Variants in PARVG observed in about 807,000 individuals in gnomAD.
PARVG encodes gamma-parvin.
PARVG carries 36 observed loss-of-function variants against 44.4 expected under a neutral mutation model. The ratio of observed to expected loss-of-function variants is 0.81; its 90% CI spans 0.62 to 1.07. The LOEUF (loss-of-function observed/expected upper bound fraction) is 1.07. Among genes scored for constraint, PARVG ranks in the 50% least tolerant of loss-of-function variants. The pLI, the probability that PARVG is intolerant of heterozygous loss-of-function variation, is 0.00. For missense variants in PARVG, 407 were observed against 407.4 expected (o/e 1.00, Z 0.01); for synonymous variants, 170 against 174.1 (o/e 0.98, Z 0.19).
At position 44,198,676 on chromosome 22, in the gene PARVG, T is replaced by G; in HGVS notation, c.767T>G (p.Leu256Arg). The G allele has an allele frequency of 6.2e-7, 1 of 1,613,990 alleles. No homozygotes were observed. Among genetic ancestry groups the G allele is most frequent in the Non-Finnish European group, 8.5e-7 (1 of 1,179,870 alleles). The change falls in exon 12 of 14, where the codon CTG becomes CGG. Residue 256 changes from leucine to arginine, a missense_variant. By Grantham distance (102) the Leu-to-Arg change is moderately radical. Transcript: ENST00000444313. ...ATTGGACAACTTGAAGGCTTCTTCC[T>G]GCACTTAAAGGAATTCTACCTCACT... ...LLIGQLEGFFLHLKEFYLTPN... is the reference protein window; with the variant it reads ...LLIGQLEGFFRHLKEFYLTPN...
chr22:44,202,949 C>T (rs1200888900), intron 12 of PARVG, among the ~76,000 whole-genome samples: 1 of 152,166 alleles, frequency 6.6e-6, no homozygotes, highest in Admixed American at 6.5e-5. Context: ...TGCACGTATC[C>T]TCCCGGGTTG....
rs181210470 is a variant in PARVG at position 44,191,024 on chromosome 22, C to T, written c.504+358C>T. Among the ~76,000 whole-genome samples, 379 of 152,330 alleles carry T rather than the reference C, an allele frequency of 2.5e-3. 4 individuals carry two copies. Among genetic ancestry groups the T allele is most frequent in the Admixed American group, 0.02 (306 of 15,298 alleles). On this transcript the variant is annotated intron_variant, in intron 7 of 13. Transcript: ENST00000444313. The stretch of plus-strand genomic sequence containing the variant: ...CGTTCATTGCCACGGGGAGCCTTCA[C>T]GCCCTGAGCAAAACCAATGCTCTCA...
intron 12 of PARVG, among the ~76,000 whole-genome samples, chr22:44,201,638 A>G (rs1601748090): frequency 6.6e-6 from 1 of 152,218 alleles, no homozygotes; most frequent in Non-Finnish European, 1.5e-5. Flanking sequence ...TCAGCCAGCC[A>G]TTGCCACAAA....
intron 6 of PARVG, 35 bp downstream of exon 6, chr22:44,189,289 T>C (rs780303313): frequency 3.1e-6 from 5 of 1,608,124 alleles, no homozygotes; most frequent in African/African-American, 2.7e-5. Flanking sequence ...CCCTGGGGAG[T>C]GTGGGGCCGC....
chr22:44,190,026 A>G (rs1306576072), intron 6 of PARVG, among the ~76,000 whole-genome samples: 1 of 151,632 alleles, frequency 6.6e-6, no homozygotes, highest in African/African-American at 2.4e-5. Flanking sequence ...ATATCCCCCC[A>G]CCCCACCCAG....
At chr22:44,184,969 C>T (rs1251586846) in intron 3 of PARVG, 1 of 152,254 alleles carries the variant, frequency 6.6e-6, no homozygotes, top group Non-Finnish European at 1.5e-5. Flanking sequence ...AAGAAGTCTG[C>T]TCCAGGAAGG....
At position 44,190,652 on chromosome 22, in the gene PARVG, G is replaced by C; in HGVS notation, c.490G>C (p.Val164Leu). The change falls in exon 7 of 14, where the codon GTC (valine) becomes CTC (leucine). Residue 164 changes from valine (V) to leucine (L), a missense_variant. Coordinates refer to ENST00000444313, the MANE Select transcript of PARVG (RefSeq NM_022141.7). The stretch of plus-strand genomic sequence containing the variant: ...CCTCCCAACCAACGTCCAGGTGGAG[G>C]TCATCACTATCGAGGTAGCAGCCTG... ...LSLPTNVQVE[V>L]ITIESTKSGL... 2 of 1,613,112 alleles carry C rather than the reference G, an allele frequency of 1.2e-6. No individual in the cohort carries two copies. The highest frequency in any genetic ancestry group is 1.7e-6 in the Non-Finnish European group (2 of 1,179,012).
At chr22:44,199,453 C>T (rs1318096377) in intron 12 of PARVG, among the ~76,000 whole-genome samples, 1 of 152,230 alleles carries the variant, frequency 6.6e-6, no homozygotes, top group Admixed American at 6.5e-5. Flanking sequence ...CCCCTACCCA[C>T]ACGCCTGTTC....
At position 44,198,327 on chromosome 22, in the gene PARVG, CCT is replaced by C. The variant is rs1276946110; in HGVS notation, c.712-293_712-292del. ...AATTTTACACTTAACTCTGTTTTCC[CCT>C]GTGTTTCTGTAGCTTGTGGAAGAGC... On this transcript the variant is annotated intron_variant, in intron 11 of 13. Coordinates refer to ENST00000444313, the MANE Select transcript of PARVG (RefSeq NM_022141.7). Among the ~76,000 whole-genome samples, 4 of 152,218 alleles carry C rather than the reference CCT, an allele frequency of 2.6e-5. No homozygotes were observed. In the East Asian group the frequency reaches 7.7e-4, roughly 29 times the overall value.
upstream of PARVG, among the ~76,000 whole-genome samples, chr22:44,180,205 A>G (rs139123): frequency 0.59 from 89,306 of 151,860 alleles, 26,496 homozygotes; most frequent in Middle Eastern, 0.63. Flanking sequence ...CCCCTCTTAG[A>G]GCTTCAGTGA....
intron 5 of PARVG, chr22:44,188,226 C>A: frequency 3.6e-6 from 1 of 276,580 alleles, no homozygotes; most frequent in South Asian, 4.7e-5. Flanking sequence ...CCCTAGGCTG[C>A]TAGAGAGAAA....
chr22:44,194,846 T>TCCATCCATCCATCC (rs1569184112), intron 9 of PARVG, among the ~76,000 whole-genome samples: 2 of 149,750 alleles, frequency 1.3e-5, no homozygotes, highest in African/African-American at 5.0e-5. Context: ...TCCATCCATC[T>TCCATCCATCCATCC]ATCCATCCAT....
At chr22:44,180,152 T>C (rs558874871), upstream of PARVG, among the ~76,000 whole-genome samples, 14 of 152,296 alleles carry the variant, frequency 9.2e-5, no homozygotes, top group African/African-American at 3.4e-4. Context: ...CACCATGAGC[T>C]GGCTGTGTCC....
rs577374158 is a variant in PARVG, at chr22:44,200,898, A to G, written c.813+2176A>G. Among the ~76,000 whole-genome samples, 5 of 151,174 alleles carry G rather than the reference A, an allele frequency of 3.3e-5. No individual in the cohort carries two copies. In the South Asian group the frequency reaches 1.1e-3, roughly 32 times the overall value. ...AGGCCGCTCCCCTTAACCTTCCTGG[A>G]CACCCACCCTTGTGCCTCTCCCCTG... On this transcript the variant is annotated intron_variant, in intron 12 of 13. Coordinates refer to ENST00000444313, the MANE Select transcript of PARVG (RefSeq NM_022141.7).
intron 12 of PARVG, among the ~76,000 whole-genome samples, 186 bp from the exon 13 acceptor site, chr22:44,205,571 G>C (rs1029163942): frequency 1.3e-5 from 2 of 152,248 alleles, no homozygotes; most frequent in African/African-American, 4.8e-5. Context: ...TTGTGTGACA[G>C]AGTGAGCTGT....
exon 1 of PARVG, chr22:44,173,014 G>A (rs1230048915): frequency 5.4e-6 from 7 of 1,289,610 alleles, no homozygotes; most frequent in African/African-American, 1.5e-5. Flanking sequence ...TGGTGCCAGC[G>A]AAGGAACAGG....
upstream of PARVG, among the ~76,000 whole-genome samples, chr22:44,176,845 G>C (rs531296504): frequency 2.0e-5 from 3 of 152,140 alleles, no homozygotes; most frequent in Non-Finnish European, 2.9e-5. Flanking sequence ...CACAATGATG[G>C]TGGAAGGCGA....
At chr22:44,183,476 C>A (rs952128163) in intron 3 of PARVG, 68 bp downstream of exon 3, 2 of 1,424,224 alleles carry the variant, frequency 1.4e-6, no homozygotes, top group Non-Finnish European at 1.9e-6. Context: ...CCTGGCCATG[C>A]CTGGGACTTG....
chr22:44,203,162 A>C (rs566621022), intron 12 of PARVG, among the ~76,000 whole-genome samples: 1 of 152,332 alleles, frequency 6.6e-6, no homozygotes, highest in South Asian at 2.1e-4. Context: ...TTCAGTGTCG[A>C]TAGCAATTCC....
Sources: allele counts gnomAD v4.1 joint callset (sites outside exome capture counted in the v4.1 genomes callset), GRCh38; gene constraint gnomAD v4.1.1; transcripts MANE v1.5; gene names NCBI Gene and HGNC (gene_info 2026-07-23, HGNC 2026-07-21).